POFUT3: variants seen among roughly 807,000 people sequenced by gnomAD.
POFUT3 encodes GDP-fucose protein O-fucosyltransferase 3.
the POFUT3 span, chr8:33,372,405 C>G: frequency 7.1e-7 from 1 of 1,400,574 alleles, no homozygotes; most frequent in Admixed American, 3.1e-5. Context: ...GTGGCTACCC[C>G]TAAGGGTAAT....
At chr8:33,311,950 C>G in the POFUT3 span, among the ~76,000 whole-genome samples, 1 of 152,148 alleles carries the variant, frequency 6.6e-6, no homozygotes, top group African/African-American at 2.4e-5. Context: ...GGCTCTAATT[C>G]AATGACTGCT....
At chr8:33,446,223 G>A in the POFUT3 span, among the ~76,000 whole-genome samples, 3 of 152,082 alleles carry the variant, frequency 2.0e-5, no homozygotes, top group African/African-American at 7.2e-5. Context: ...TTGGGAGGCC[G>A]AGGTGGGTGG....
the POFUT3 span, chr8:33,452,900 T>C: frequency 3.4e-6 from 1 of 298,278 alleles, no homozygotes; most frequent in African/African-American, 2.2e-5. Flanking sequence ...TAGAAGCTTC[T>C]GCTACAATTT....
the POFUT3 span, among the ~76,000 whole-genome samples, chr8:33,463,810 C>T: frequency 2.1e-3 from 318 of 152,274 alleles, 1 homozygote; most frequent in Middle Eastern, 0.017. Context: ...CCTTGGCCTC[C>T]CAAAGTGCTG....
At chr8:33,436,214 G>C in the POFUT3 span, 1 of 1,306,884 alleles carries the variant, frequency 7.7e-7, no homozygotes, top group Non-Finnish European at 1.1e-6. Flanking sequence ...ACGTCCCAGA[G>C]ACTGGGTACC....
chr8:33,423,214 C>T, the POFUT3 span, among the ~76,000 whole-genome samples: 1 of 152,076 alleles, frequency 6.6e-6, no homozygotes, highest in Non-Finnish European at 1.5e-5. Flanking sequence ...ACACTTTGAC[C>T]AAAAACCCTC....
the POFUT3 span, among the ~76,000 whole-genome samples, chr8:33,433,590 C>G: frequency 7.1e-6 from 1 of 141,280 alleles, no homozygotes. Flanking sequence ...CCAGCCTGGG[C>G]GATAGAGTGA....
chr8:33,324,519 A>C, the POFUT3 span, among the ~76,000 whole-genome samples: 45 of 152,260 alleles, frequency 3.0e-4, no homozygotes, highest in African/African-American at 9.6e-4. Context: ...TGATTGTCTA[A>C]CAGGCATCTC....
the POFUT3 span, among the ~76,000 whole-genome samples, chr8:33,329,608 C>T: frequency 1.5e-3 from 234 of 152,212 alleles, 3 homozygotes; most frequent in African/African-American, 5.4e-3. Flanking sequence ...CTTGGAGTCC[C>T]CAGTGCTATA....
chr8:33,340,619 A>G, the POFUT3 span, among the ~76,000 whole-genome samples: 1 of 152,166 alleles, frequency 6.6e-6, no homozygotes, highest in Non-Finnish European at 1.5e-5. Flanking sequence ...AACATTAATC[A>G]AAGAAAAGCA....
chr8:33,404,360 A>G, the POFUT3 span, among the ~76,000 whole-genome samples: 2 of 151,982 alleles, frequency 1.3e-5, no homozygotes, highest in African/African-American at 4.8e-5. Context: ...AAAGAAAAAG[A>G]AAAAGAAAAT....
the POFUT3 span, among the ~76,000 whole-genome samples, chr8:33,442,052 C>A: frequency 6.6e-6 from 1 of 151,982 alleles, no homozygotes; most frequent in Non-Finnish European, 1.5e-5. Flanking sequence ...TGGATTCAAG[C>A]GATTCGCCTG....
chr8:33,368,549 C>T, the POFUT3 span, among the ~76,000 whole-genome samples: 145 of 152,326 alleles, frequency 9.5e-4, 1 homozygote, highest in African/African-American at 3.4e-3. Flanking sequence ...GCTCAGGCTC[C>T]TCTTCTTCTC....
chr8:33,467,573 C>G, the POFUT3 span, among the ~76,000 whole-genome samples: 1 of 152,146 alleles, frequency 6.6e-6, no homozygotes, highest in Admixed American at 6.6e-5. Context: ...CCCCTAGGAG[C>G]TGAGCTTCTA....
At chr8:33,457,915 G>A in the POFUT3 span, among the ~76,000 whole-genome samples, 1 of 151,964 alleles carries the variant, frequency 6.6e-6, no homozygotes, top group Non-Finnish European at 1.5e-5. Flanking sequence ...ATATTTTCAT[G>A]TTTAGATTAA....
chr8:33,329,524 T>G, the POFUT3 span, among the ~76,000 whole-genome samples: 1 of 152,208 alleles, frequency 6.6e-6, no homozygotes, highest in Non-Finnish European at 1.5e-5. Context: ...CCATAACTAT[T>G]ACCTCTATGA....
the POFUT3 span, among the ~76,000 whole-genome samples, chr8:33,309,207 CAT>C: frequency 4.3e-5 from 5 of 115,340 alleles, no homozygotes; most frequent in African/African-American, 1.6e-4. Context: ...TATACACACA[CAT>C]ATTTTTTTCC....
At chr8:33,403,565 G>T in the POFUT3 span, among the ~76,000 whole-genome samples, 1 of 151,816 alleles carries the variant, frequency 6.6e-6, no homozygotes, top group East Asian at 1.9e-4. Flanking sequence ...AAAAATTTTT[G>T]AAGTTAGCCA....
chr8:33,367,575 T>C, the POFUT3 span, among the ~76,000 whole-genome samples: 1 of 152,134 alleles, frequency 6.6e-6, no homozygotes, highest in South Asian at 2.1e-4. Flanking sequence ...TTAATTCCTC[T>C]AGTGCTGCTG....
Sources: gnomAD v4.1 joint callset for allele counts (sites outside exome capture counted in the v4.1 genomes callset) on GRCh38, gnomAD v4.1.1 for gene constraint, MANE v1.5 for transcripts, NCBI Gene and HGNC (gene_info 2026-07-23, HGNC 2026-07-21) for gene names.